Variants in TICRR observed in about 807,000 individuals in gnomAD.
TICRR encodes the protein treslin.
Under a neutral mutation model 178.1 loss-of-function variants are expected in TICRR, and 132 were observed. The ratio of observed to expected loss-of-function variants is 0.74; its 90% CI spans 0.64 to 0.86. TICRR has a LOEUF of 0.86. TICRR is among the 40% of genes least tolerant of loss of function. The pLI is 0.00. For missense variants in TICRR, 2,587 were observed against 2,334.3 expected (o/e 1.11, Z -2.23); for synonymous variants, 991 against 900.7 (o/e 1.10, Z -1.79).
At chr15:89,578,659 T>TC (rs200230945) in intron 1 of TICRR, among the ~76,000 whole-genome samples, 38,691 of 130,166 alleles carry the variant, frequency 0.3, 5,762 homozygotes, top group South Asian at 0.37. Flanking sequence ...TCTCTCTCTC[T>TC]TTTTTTTTTT....
chr15:89,601,585 C>G lies in TICRR; in HGVS notation c.2327+17C>G, dbSNP rs747081505. 19 of 1,613,382 alleles carry G rather than the reference C, an allele frequency of 1.2e-5. No individual in the cohort carries two copies. Among genetic ancestry groups the G allele is most frequent in the Non-Finnish European group, 1.6e-5 (19 of 1,179,380 alleles). ...TTTGAGATTGTAAGTTTGATGGTTA[C>G]TAACTTAACTTTAAAATTGTTTTGT... On this transcript the variant is annotated intron_variant, in intron 11 of 21. Coordinates refer to ENST00000268138, the MANE Select transcript of TICRR (RefSeq NM_152259.4).
At chr15:89,623,514 T>C (rs1184421220) in intron 19 of TICRR, 109 bp from the exon 20 acceptor site, 17 of 1,141,726 alleles carry the variant, frequency 1.5e-5, no homozygotes, top group Admixed American at 4.8e-5. Flanking sequence ...CTTTAGATCA[T>C]TCCTTTGGCT....
chr15:89,589,931 A>T (rs1260056397), intron 4 of TICRR, among the ~76,000 whole-genome samples: 2 of 152,034 alleles, frequency 1.3e-5, no homozygotes, highest in Non-Finnish European at 2.9e-5. Context: ...ACATAGCAAG[A>T]CCCTGTCTCA....
intron 14 of TICRR, among the ~76,000 whole-genome samples, chr15:89,607,780 G>T (rs971660616): frequency 6.6e-6 from 1 of 152,078 alleles, no homozygotes; most frequent in Admixed American, 6.6e-5. Flanking sequence ...TTCACCCTTG[G>T]TGAATTTTTG....
At chr15:89,616,332 C>A in intron 15 of TICRR, 73 bp from the exon 16 acceptor site, 1 of 1,293,134 alleles carries the variant, frequency 7.7e-7, no homozygotes, top group South Asian at 1.2e-5. Context: ...GTTCAAACTG[C>A]TCCCTTGGCC....
chr15:89,585,999 C>T, intron 4 of TICRR, 57 bp downstream of exon 4: 5 of 1,343,482 alleles, frequency 3.7e-6, no homozygotes, highest in Non-Finnish European at 4.2e-6. Context: ...TCTTTTCAAG[C>T]ATCGGGACTT....
At chr15:89,591,949 G>A (rs1962919705) in intron 4 of TICRR, 98 bp from the exon 5 acceptor site, 1 of 1,059,254 alleles carries the variant, frequency 9.4e-7, no homozygotes, top group Non-Finnish European at 1.3e-6. Flanking sequence ...GTCCTTTGGA[G>A]GGATGCAGTC....
At chr15:89,611,550 ATTTC>A (rs1331454896) in intron 15 of TICRR, among the ~76,000 whole-genome samples, 5 of 152,030 alleles carry the variant, frequency 3.3e-5, no homozygotes, top group Admixed American at 2.0e-4. Context: ...TTTAACCATT[ATTTC>A]TTCAAAAAAT....
chr15:89,581,407 T>G (rs1717478663), intron 1 of TICRR, among the ~76,000 whole-genome samples: 1 of 152,182 alleles, frequency 6.6e-6, no homozygotes, highest in South Asian at 2.1e-4. Context: ...CACATAGAAG[T>G]TACTCAATAA....
intron 7 of TICRR, among the ~76,000 whole-genome samples, chr15:89,597,482 G>A (rs950567667): frequency 1.4e-5 from 2 of 147,604 alleles, no homozygotes; most frequent in Non-Finnish European, 3.0e-5. Context: ...CCGAGATTGC[G>A]CCCCTGCACT....
At chr15:89,579,598 G>C (rs1018367467) in intron 1 of TICRR, among the ~76,000 whole-genome samples, 1 of 151,374 alleles carries the variant, frequency 6.6e-6, no homozygotes, top group African/African-American at 2.4e-5. Context: ...CACCCACCTC[G>C]GCCTCCCAAA....
At chr15:89,596,050 C>T (rs1395002036) in intron 7 of TICRR, among the ~76,000 whole-genome samples, 2 of 151,932 alleles carry the variant, frequency 1.3e-5, no homozygotes, top group Non-Finnish European at 2.9e-5. Flanking sequence ...GCTGAAACAA[C>T]AGTACTGAAG....
chr15:89,618,055 A>C, intron 16 of TICRR, 97 bp from the exon 17 acceptor site: 1 of 1,233,362 alleles, frequency 8.1e-7, no homozygotes, highest in Non-Finnish European at 1.2e-6. Flanking sequence ...AGACCCTGTG[A>C]TCTTTGTGAT....
At chr15:89,599,695 C>G (rs1298128543) in intron 8 of TICRR, among the ~76,000 whole-genome samples, 1 of 152,206 alleles carries the variant, frequency 6.6e-6, no homozygotes, top group East Asian at 1.9e-4. Flanking sequence ...GGGATAATTA[C>G]ATATAATTCT....
At chr15:89,594,652 A>C in intron 6 of TICRR, 98 bp downstream of exon 6, 1 of 1,149,810 alleles carries the variant, frequency 8.7e-7, no homozygotes, top group Non-Finnish European at 1.2e-6. Flanking sequence ...AATGGTAACT[A>C]AATAAAGAAG....
At chr15:89,581,057 G>C (rs1870629028) in intron 1 of TICRR, among the ~76,000 whole-genome samples, 1 of 152,086 alleles carries the variant, frequency 6.6e-6, no homozygotes, top group Non-Finnish European at 1.5e-5. Context: ...ATAAATGAAA[G>C]CAGTCTATTC....
chr15:89,582,516 C>T (rs547661625), intron 1 of TICRR, among the ~76,000 whole-genome samples, 170 bp from the exon 2 acceptor site: 1 of 152,228 alleles, frequency 6.6e-6, no homozygotes, highest in Admixed American at 6.5e-5. Flanking sequence ...TCTGGGGCTG[C>T]ACAGTAGCTT....
At position 89,592,311 on chromosome 15, in the gene TICRR, C is replaced by G. The variant is rs1280138605; in HGVS notation, c.1541+135C>G. On this transcript the variant is annotated intron_variant, in intron 5 of 21. Transcript: ENST00000268138. ...AAAGTAGTTACAAAAATAAAATACT[C>G]TCATACTTAATATATATTGTGAGAG... 9.4e-6 allele frequency: 6 copies of G among 635,278 alleles called. No individual in the cohort carries two copies. The African/African-American group carries it at 1.1e-4, about 12-fold the overall frequency. 39.4% of individuals were successfully genotyped at this position (635,278 alleles called of 1,614,324 possible).
chr15:89,613,892 C>T (rs529357827), intron 15 of TICRR, among the ~76,000 whole-genome samples: 254 of 152,194 alleles, frequency 1.7e-3, no homozygotes, highest in Non-Finnish European at 2.6e-3. Flanking sequence ...CGGTGGCTCA[C>T]GCCTGTAATC....
Sources: gnomAD v4.1 joint callset for allele counts (sites outside exome capture counted in the v4.1 genomes callset) on GRCh38, gnomAD v4.1.1 for gene constraint, MANE v1.5 for transcripts, NCBI Gene and HGNC (gene_info 2026-07-23, HGNC 2026-07-21) for gene names.